UBR3: variants seen among roughly 807,000 people sequenced by gnomAD.
UBR3 encodes the protein E3 ubiquitin-protein ligase UBR3.
Under a neutral mutation model 243.2 loss-of-function variants are expected in UBR3, and 85 were observed. That is an observed-to-expected ratio of 0.35 (90% confidence interval 0.29 to 0.42). The LOEUF is 0.42. UBR3 is among the 10% of genes least tolerant of loss of function. The pLI, the probability that UBR3 is intolerant of heterozygous loss-of-function variation, is 1.00. For missense variants in UBR3, 1,686 were observed against 2,300.8 expected (o/e 0.73, Z 5.47); for synonymous variants, 748 against 799.8 (o/e 0.94, Z 1.09).
At chr2:169,841,185 C>G (rs2082275650) in intron 1 of UBR3, among the ~76,000 whole-genome samples, 1 of 152,098 alleles carries the variant, frequency 6.6e-6, no homozygotes, top group South Asian at 2.1e-4. Context: ...CATTCTATGT[C>G]TTTTTTGATT....
chr2:169,868,138 A>G (rs1216432213), intron 1 of UBR3, among the ~76,000 whole-genome samples: 10 of 152,116 alleles, frequency 6.6e-5, no homozygotes, highest in Non-Finnish European at 1.3e-4. Flanking sequence ...TTTGATATCT[A>G]TCCACATTCT....
chr2:170,068,934 G>A (rs72876456), intron 35 of UBR3, among the ~76,000 whole-genome samples: 11,512 of 152,196 alleles, frequency 0.076, 580 homozygotes, highest in Non-Finnish European at 0.12. Flanking sequence ...CTGAATATAT[G>A]TATATCAAGT....
chr2:170,017,298 C>A (rs2090264403), intron 30 of UBR3, among the ~76,000 whole-genome samples: 1 of 151,356 alleles, frequency 6.6e-6, no homozygotes, highest in Non-Finnish European at 1.5e-5. Flanking sequence ...TTTTGAACAT[C>A]TAATTTTTAA....
chr2:169,921,479 C>T (rs1259094157), intron 11 of UBR3, among the ~76,000 whole-genome samples: 1 of 152,044 alleles, frequency 6.6e-6, no homozygotes, highest in Non-Finnish European at 1.5e-5. Context: ...TGGACTTTAA[C>T]GTTATGGAGA....
intron 11 of UBR3, among the ~76,000 whole-genome samples, chr2:169,923,648 G>C (rs1376712984): frequency 1.3e-5 from 2 of 152,116 alleles, no homozygotes; most frequent in Admixed American, 6.6e-5. Flanking sequence ...ATTTGCTTTA[G>C]CTGAATTGAA....
chr2:169,854,125 A>T (rs1008818040), intron 1 of UBR3, among the ~76,000 whole-genome samples: 6 of 152,212 alleles, frequency 3.9e-5, no homozygotes, highest in Non-Finnish European at 8.8e-5. Flanking sequence ...ACCATGGCAC[A>T]TGTATACCTA....
At chr2:169,828,167 G>GGGTGCAGCCACAGGGGGAT in intron 1 of UBR3, 115 bp downstream of exon 1, 1 of 1,252,814 alleles carries the variant, frequency 8.0e-7, no homozygotes, top group Non-Finnish European at 1.0e-6. Flanking sequence ...GTGCGGGGGA[G>GGGTGCAGCCACAGGGGGAT]GGTGCAGCCA....
intron 27 of UBR3, among the ~76,000 whole-genome samples, chr2:170,002,377 T>C (rs1429211288): frequency 6.6e-6 from 1 of 152,204 alleles, no homozygotes; most frequent in Non-Finnish European, 1.5e-5. Flanking sequence ...CTGTCTTTGA[T>C]CAGTTCCCTC....
At chr2:169,977,512 T>G (rs1321539823) in intron 24 of UBR3, among the ~76,000 whole-genome samples, 1 of 152,204 alleles carries the variant, frequency 6.6e-6, no homozygotes, top group East Asian at 1.9e-4. Flanking sequence ...CCAAGAGTCT[T>G]TTGTTACAGG....
chr2:169,920,968 T>C (rs925112343), intron 11 of UBR3, among the ~76,000 whole-genome samples: 1 of 152,192 alleles, frequency 6.6e-6, no homozygotes, highest in South Asian at 2.1e-4. Context: ...CACTAAAATC[T>C]AGGCACTAGG....
intron 25 of UBR3, among the ~76,000 whole-genome samples, chr2:169,989,716 T>G (rs975268877): frequency 3.3e-5 from 5 of 152,194 alleles, no homozygotes; most frequent in African/African-American, 1.2e-4. Context: ...GCTCAAAATA[T>G]TGAGATAGTG....
chr2:170,031,023 G>A (rs2061621), intron 31 of UBR3, among the ~76,000 whole-genome samples: 108,188 of 151,906 alleles, frequency 0.71, 39,430 homozygotes, highest in East Asian at 0.88. Flanking sequence ...TCAAACTCCT[G>A]GCTTCAAATG....
intron 5 of UBR3, among the ~76,000 whole-genome samples, chr2:169,879,991 A>G (rs2083760861): frequency 6.6e-6 from 1 of 152,216 alleles, no homozygotes; most frequent in South Asian, 2.1e-4. Context: ...AATTCTTCGT[A>G]TGCCAAAGAA....
intron 21 of UBR3, 72 bp downstream of exon 21, chr2:169,946,464 C>T: frequency 1.4e-6 from 1 of 715,344 alleles, no homozygotes; most frequent in Non-Finnish European, 2.2e-6. Flanking sequence ...TGTTGCCAAA[C>T]CAGGCATGTT....
chr2:170,000,215 A>T (rs549003243), intron 26 of UBR3, among the ~76,000 whole-genome samples: 30 of 151,976 alleles, frequency 2.0e-4, no homozygotes, highest in Admixed American at 1.7e-3. Flanking sequence ...TCCCTTCTTT[A>T]TTGTATATTA....
chr2:170,033,605 T>A (rs560372230), intron 31 of UBR3, among the ~76,000 whole-genome samples: 1 of 107,792 alleles, frequency 9.3e-6, no homozygotes, highest in Non-Finnish European at 1.8e-5. Flanking sequence ...CAATATTTGC[T>A]CTCATTTTTA....
chr2:169,854,487 G>C (rs185884793), intron 1 of UBR3, among the ~76,000 whole-genome samples: 89 of 152,238 alleles, frequency 5.8e-4, no homozygotes, highest in Non-Finnish European at 1.0e-3. Flanking sequence ...CATTGAGAAA[G>C]TGGGAAGTGA....
At chr2:169,906,360 G>C (rs972997625) in intron 10 of UBR3, among the ~76,000 whole-genome samples, 196 bp downstream of exon 10, 2 of 152,120 alleles carry the variant, frequency 1.3e-5, no homozygotes, top group African/African-American at 4.8e-5. Flanking sequence ...TTTCCAGCCT[G>C]TTGCTATTGT....
At chr2:170,048,084 T>G (rs562339037) in intron 32 of UBR3, among the ~76,000 whole-genome samples, 1 of 152,206 alleles carries the variant, frequency 6.6e-6, no homozygotes, top group African/African-American at 2.4e-5. Context: ...TGGCTTCTGC[T>G]TACTCCTTAG....
Sources: gnomAD v4.1 joint callset for allele counts (sites outside exome capture counted in the v4.1 genomes callset) on GRCh38, gnomAD v4.1.1 for gene constraint, MANE v1.5 for transcripts, NCBI Gene and HGNC (gene_info 2026-07-23, HGNC 2026-07-21) for gene names.